The following MAGI2 variants were observed in gnomAD, a reference collection of about 807,000 sequenced individuals.
MAGI2 encodes membrane associated guanylate kinase, WW and PDZ domain containing 2, also known as membrane-associated guanylate kinase, WW and PDZ domain-containing protein 2.
A neutral mutation model predicts 133.3 loss-of-function variants in MAGI2; 35 were observed. That is an observed-to-expected ratio of 0.26 (90% CI 0.20 to 0.35). MAGI2 has a LOEUF of 0.35. Among genes scored for constraint, MAGI2 ranks in the 10% least tolerant of loss-of-function variants. The pLI, the probability that MAGI2 is intolerant of heterozygous loss-of-function variation, is 1.00. For missense variants in MAGI2, 1,636 were observed against 1,863.4 expected (o/e 0.88, Z 2.25); for synonymous variants, 729 against 710.6 (o/e 1.03, Z -0.41).
At position 78,047,919 on chromosome 7, in the gene MAGI2, C is replaced by T. The variant is rs963249262; in HGVS notation, c.3707-27943G>A. ...CTAAAACCCAGCTCAGCTCAGATGC[C>T]GCCATATTCTTGCAGTCCTCCTTGA... On this transcript the variant is annotated intron_variant, in intron 21 of 21. Transcript: ENST00000354212. Among the ~76,000 whole-genome samples the T allele has an allele frequency of 1.1e-4, 16 of 152,344 alleles. No homozygotes were observed. The East Asian group carries it at 1.7e-3, about 17-fold the overall frequency.
intron 20 of MAGI2, among the ~76,000 whole-genome samples, chr7:78,102,664 TC>T (rs766068445): frequency 3.9e-5 from 6 of 152,170 alleles, no homozygotes; most frequent in Non-Finnish European, 7.3e-5. Flanking sequence ...GCAAAAGTCA[TC>T]TTAGGCTCAC....
intron 1 of MAGI2, among the ~76,000 whole-genome samples, chr7:79,440,951 C>T (rs924888601): frequency 1.3e-5 from 2 of 152,202 alleles, no homozygotes; most frequent in South Asian, 4.1e-4. Flanking sequence ...TGTGGAGCAA[C>T]TTTCATAGGC....
chr7:78,945,680 A>G (rs1022890578), intron 2 of MAGI2, among the ~76,000 whole-genome samples: 4 of 152,096 alleles, frequency 2.6e-5, no homozygotes, highest in African/African-American at 7.2e-5. Context: ...GCCTCATTCT[A>G]TGAAATTTCC....
chr7:79,374,385 A>T lies in MAGI2; in HGVS notation c.301+78635T>A, dbSNP rs1018366943. On this transcript the variant is annotated intron_variant, in intron 1 of 21. Coordinates refer to ENST00000354212, the MANE Select transcript of MAGI2 (RefSeq NM_012301.4). ...GAAAATACACACGGAGAAGATGGCC[A>T]TGTACAAGTCAAGGAACACCTGAGA... Among the ~76,000 whole-genome samples, 3 of 151,764 alleles carry T rather than the reference A, an allele frequency of 2.0e-5. No homozygotes were observed. In the South Asian group the frequency reaches 6.2e-4, roughly 31 times the overall value.
chr7:78,744,284 A>G (rs1037283145), intron 2 of MAGI2, among the ~76,000 whole-genome samples: 5 of 152,190 alleles, frequency 3.3e-5, no homozygotes, highest in Non-Finnish European at 5.9e-5. Context: ...TTGAATAGCA[A>G]TATCATCCTT....
chr7:79,450,573 T>C (rs1299003164), intron 1 of MAGI2, among the ~76,000 whole-genome samples: 2 of 152,080 alleles, frequency 1.3e-5, no homozygotes, highest in Admixed American at 6.5e-5. Flanking sequence ...AATGAACCAG[T>C]GAAGCACGAA....
chr7:78,815,219 CAG>C (rs1563538158), intron 2 of MAGI2, among the ~76,000 whole-genome samples: 1 of 152,124 alleles, frequency 6.6e-6, no homozygotes, highest in African/African-American at 2.4e-5. Flanking sequence ...ATATATCACT[CAG>C]GGGTAGTTTT....
intron 2 of MAGI2, among the ~76,000 whole-genome samples, chr7:78,961,049 T>C (rs1210219244): frequency 1.3e-5 from 2 of 152,130 alleles, no homozygotes; most frequent in East Asian, 1.9e-4. Context: ...GGAGGGATTC[T>C]TGGCATTTAT....
intron 1 of MAGI2, among the ~76,000 whole-genome samples, chr7:79,339,872 G>C (rs1487173421): frequency 6.6e-6 from 1 of 152,006 alleles, no homozygotes; most frequent in Non-Finnish European, 1.5e-5. Flanking sequence ...TCAAACGCCA[G>C]CCTGAGATTT....
At chr7:79,441,853 A>G (rs1174379509) in intron 1 of MAGI2, among the ~76,000 whole-genome samples, 1 of 152,124 alleles carries the variant, frequency 6.6e-6, no homozygotes, top group Non-Finnish European at 1.5e-5. Flanking sequence ...ATTTTTTATA[A>G]TTGCAATATA....
chr7:78,380,468 T>A (rs1794821673), intron 6 of MAGI2, among the ~76,000 whole-genome samples: 1 of 152,010 alleles, frequency 6.6e-6, no homozygotes, highest in African/African-American at 2.4e-5. Context: ...CTAGAGGGCA[T>A]TATAGTAAGT....
intron 1 of MAGI2, among the ~76,000 whole-genome samples, chr7:79,403,175 T>C (rs117627792): frequency 3.3e-5 from 5 of 152,322 alleles, no homozygotes; most frequent in Admixed American, 6.5e-5. Context: ...AAATCTTAAA[T>C]AGTGTTAATG....
intron 2 of MAGI2, among the ~76,000 whole-genome samples, chr7:78,768,146 T>C (rs1825219103): frequency 6.6e-6 from 1 of 152,250 alleles, no homozygotes; most frequent in African/African-American, 2.4e-5. Context: ...TCCAGCAAGC[T>C]CTGCTCTTAG....
chr7:78,245,641 C>T (rs987353323), intron 10 of MAGI2, among the ~76,000 whole-genome samples: 1 of 152,196 alleles, frequency 6.6e-6, no homozygotes, highest in African/African-American at 2.4e-5. Context: ...CCCAGCTGGG[C>T]TCAGCTCAGA....
intron 2 of MAGI2, among the ~76,000 whole-genome samples, chr7:78,673,670 G>C (rs979824337): frequency 6.6e-6 from 1 of 151,916 alleles, no homozygotes; most frequent in Non-Finnish European, 1.5e-5. Flanking sequence ...CTGATTGGCT[G>C]AGACCCACTC....
intron 2 of MAGI2, among the ~76,000 whole-genome samples, chr7:78,986,123 A>T (rs1245491342): frequency 6.6e-6 from 1 of 152,128 alleles, no homozygotes; most frequent in Non-Finnish European, 1.5e-5. Context: ...ACCAAAGCTG[A>T]AGTAACACTA....
chr7:78,181,591 T>C (rs979700035), intron 13 of MAGI2, among the ~76,000 whole-genome samples: 1 of 152,190 alleles, frequency 6.6e-6, no homozygotes, highest in Non-Finnish European at 1.5e-5. Context: ...GTGTTGCTTC[T>C]TAGAAGTTGG....
chr7:79,199,922 A>C (rs141600861), intron 1 of MAGI2, among the ~76,000 whole-genome samples: 1 of 151,944 alleles, frequency 6.6e-6, no homozygotes, highest in African/African-American at 2.4e-5. Context: ...TACACAGCCT[A>C]GTTTTTCTCC....
Position 78,903,172 on chromosome 7 carries a change from C to CTT in MAGI2, c.418+103916_418+103917dup, listed in dbSNP as rs10526268. ...TTCATGCAAGTGGGAGTTCCTGAAT[C>CTT]TTTTTTTTTTTTTTTTTTTTTTTTT... On this transcript the variant is annotated intron_variant, in intron 2 of 21. Transcript: ENST00000354212. 2.2e-3 allele frequency among the ~76,000 whole-genome samples: 121 copies of CTT among 56,118 alleles called. 30 individuals carry two copies. The highest frequency in any genetic ancestry group is 0.043 in the Middle Eastern group (2 of 46). The allele number at this position is 56,118 out of a possible 152,430, so 36.8% of individuals were successfully genotyped here. A position where few individuals can be genotyped will look rare whatever the true frequency, so the allele number is the denominator to read the frequency against.
Sources: gnomAD v4.1 joint callset for allele counts (sites outside exome capture counted in the v4.1 genomes callset) on GRCh38, gnomAD v4.1.1 for gene constraint, MANE v1.5 for transcripts, NCBI Gene and HGNC (gene_info 2026-07-23, HGNC 2026-07-21) for gene names.